Variants in PDIA5 observed in about 807,000 individuals in gnomAD.
PDIA5 encodes the protein protein disulfide isomerase family A member 5, also known as protein disulfide-isomerase A5.
In PDIA5, 58 loss-of-function variants were observed where a neutral mutation model predicts 77.6. That is an observed-to-expected ratio of 0.75 (90% CI 0.61 to 0.93). The LOEUF (loss-of-function observed/expected upper bound fraction) is 0.93, where lower values mean the gene tolerates loss of function less well. PDIA5 is among the 40% of genes least tolerant of loss of function. The pLI, the probability that PDIA5 is intolerant of heterozygous loss-of-function variation, is 0.00. For missense variants in PDIA5, 630 were observed against 647.7 expected (o/e 0.97, Z 0.30); for synonymous variants, 250 against 252.1 (o/e 0.99, Z 0.08).
At chr3:123,111,653 G>A (rs914885424) in intron 7 of PDIA5, among the ~76,000 whole-genome samples, 1 of 152,208 alleles carries the variant, frequency 6.6e-6, no homozygotes, top group Non-Finnish European at 1.5e-5. Flanking sequence ...CTAGGTCTCA[G>A]TTTCCACATC....
chr3:123,156,080 T>A (rs1936016015), intron 15 of PDIA5, among the ~76,000 whole-genome samples: 1 of 152,090 alleles, frequency 6.6e-6, no homozygotes, highest in African/African-American at 2.4e-5. Context: ...AGGTCAGGCC[T>A]AAAGGTACCA....
intron 2 of PDIA5, among the ~76,000 whole-genome samples, chr3:123,090,284 A>G (rs575570966): frequency 6.6e-6 from 1 of 152,322 alleles, no homozygotes; most frequent in East Asian, 1.9e-4. Flanking sequence ...ATAGGGGCGA[A>G]ATCAAGGGAA....
chr3:123,085,707 C>A (rs922419531), intron 1 of PDIA5, among the ~76,000 whole-genome samples: 1 of 152,192 alleles, frequency 6.6e-6, no homozygotes, highest in African/African-American at 2.4e-5. Flanking sequence ...TTTCCTTCTC[C>A]CCAGTTCCAG....
intron 2 of PDIA5, among the ~76,000 whole-genome samples, chr3:123,089,608 G>C (rs1934233610): frequency 6.6e-6 from 1 of 152,268 alleles, no homozygotes; most frequent in Admixed American, 6.5e-5. Flanking sequence ...CGGACACTGG[G>C]CATGGATGTC....
chr3:123,157,716 C>T (rs554080970), intron 15 of PDIA5, among the ~76,000 whole-genome samples: 1 of 152,318 alleles, frequency 6.6e-6, no homozygotes, highest in East Asian at 1.9e-4. Context: ...TGTGGCAGCT[C>T]ATATTTTAGC....
At chr3:123,137,734 G>T (rs1453506400) in intron 11 of PDIA5, among the ~76,000 whole-genome samples, 1 of 152,096 alleles carries the variant, frequency 6.6e-6, no homozygotes, top group African/African-American at 2.4e-5. Flanking sequence ...GTGCAGCCAG[G>T]ATGAAATCCC....
chr3:123,132,879 C>CA (rs1284918083), intron 11 of PDIA5, among the ~76,000 whole-genome samples: 4 of 152,174 alleles, frequency 2.6e-5, no homozygotes, highest in African/African-American at 9.7e-5. Flanking sequence ...GAGAGGTCAC[C>CA]AGTCCCCTGG....
intron 7 of PDIA5, among the ~76,000 whole-genome samples, chr3:123,114,548 C>G (rs925969235): frequency 2.0e-5 from 3 of 152,234 alleles, no homozygotes; most frequent in African/African-American, 7.2e-5. Context: ...ATGCAGACCT[C>G]GGTCTCAGCC....
chr3:123,083,365 T>C (rs1214155632), intron 1 of PDIA5, among the ~76,000 whole-genome samples: 1 of 152,150 alleles, frequency 6.6e-6, no homozygotes, highest in Non-Finnish European at 1.5e-5. Context: ...AAGCCATTTT[T>C]CCCGGCAGTT....
rs955990050 is a variant in PDIA5, at chr3:123,146,276, C to T, written c.1142+17C>T. 3.7e-5 allele frequency: 60 copies of T among 1,608,640 alleles called. No individual in the cohort carries two copies. The highest frequency in any genetic ancestry group is 5.1e-5 in the Non-Finnish European group (60 of 1,176,268). On this transcript the variant is annotated intron_variant, in intron 13 of 16. Transcript: ENST00000316218. ...GATGCAAAAGTAAGTGTTACGATCT[C>T]AGTAGCACATCCTAACTGCCAGCTG...
intron 6 of PDIA5, 105 bp downstream of exon 6, chr3:123,106,946 A>G: frequency 1.3e-6 from 1 of 777,724 alleles, no homozygotes; most frequent in Non-Finnish European, 2.2e-6. Context: ...CTATTCCAGG[A>G]TCACTTGTAC....
intron 10 of PDIA5, among the ~76,000 whole-genome samples, chr3:123,126,821 A>G (rs1055457934): frequency 1.3e-5 from 2 of 152,148 alleles, no homozygotes; most frequent in Admixed American, 1.3e-4. Context: ...TCAATGCGTG[A>G]CTCTGGTGGT....
chr3:123,128,207 C>A (rs1048483381), intron 10 of PDIA5, among the ~76,000 whole-genome samples: 2 of 152,348 alleles, frequency 1.3e-5, no homozygotes, highest in East Asian at 1.9e-4. Flanking sequence ...AAGGAGTGGG[C>A]CCCTGGGCCC....
chr3:123,071,161 A>C (rs1933713163), intron 1 of PDIA5, among the ~76,000 whole-genome samples: 1 of 152,132 alleles, frequency 6.6e-6, no homozygotes, highest in Non-Finnish European at 1.5e-5. Context: ...TATTCTGCTG[A>C]TCTGTGAGAT....
intron 1 of PDIA5, among the ~76,000 whole-genome samples, chr3:123,069,283 G>T (rs780641607): frequency 6.6e-6 from 1 of 152,164 alleles, no homozygotes; most frequent in African/African-American, 2.4e-5. Context: ...ACAGGACTGG[G>T]CTGTGACCTG....
chr3:123,089,036 T>C (rs1311701925), intron 1 of PDIA5, 132 bp from the exon 2 acceptor site: 6 of 751,078 alleles, frequency 8.0e-6, no homozygotes, highest in Middle Eastern at 3.9e-4. Flanking sequence ...GTAGGTGTGG[T>C]GCATGAGATG....
At chr3:123,126,245 G>A (rs1356481374) in intron 10 of PDIA5, among the ~76,000 whole-genome samples, 10 of 146,986 alleles carry the variant, frequency 6.8e-5, no homozygotes, top group Non-Finnish European at 1.1e-4. Context: ...ACCCCATCCC[G>A]GCTCCCCCAC....
At chr3:123,131,994 G>A (rs1201172234) in intron 11 of PDIA5, among the ~76,000 whole-genome samples, 1 of 152,132 alleles carries the variant, frequency 6.6e-6, no homozygotes, top group East Asian at 1.9e-4. Context: ...TCTATCAGGA[G>A]GAAATGTTAT....
At chr3:123,070,528 C>A (rs1011218968) in intron 1 of PDIA5, among the ~76,000 whole-genome samples, 2 of 152,204 alleles carry the variant, frequency 1.3e-5, no homozygotes, top group African/African-American at 4.8e-5. Flanking sequence ...CTGTCAAACA[C>A]GTGGGACAGG....
Sources: gnomAD v4.1 joint callset for allele counts (sites outside exome capture counted in the v4.1 genomes callset) on GRCh38, gnomAD v4.1.1 for gene constraint, MANE v1.5 for transcripts, NCBI Gene and HGNC (gene_info 2026-07-23, HGNC 2026-07-21) for gene names.